The following ZNF648 variants were observed in gnomAD, a reference collection of about 807,000 sequenced individuals.
ZNF648 encodes zinc finger protein 648.
A neutral mutation model predicts 0.3 loss-of-function variants in ZNF648; 1 was observed. The ratio of observed to expected loss-of-function variants is 3.90; its 90% confidence interval spans 1.39 to 18.51. The LOEUF is 18.51. ZNF648 is among the 30% of genes most tolerant of loss of function. The pLI, the probability that ZNF648 is intolerant of heterozygous loss-of-function variation, is 0.11. For synonymous variants in ZNF648, 376 were observed against 326.8 expected (o/e 1.15, Z -1.62); for missense variants, 874 against 769.7 (o/e 1.14, Z -1.60).
chr1:182,068,362 G>T, the ZNF648 span: 1 of 152,162 alleles, frequency 6.6e-6, no homozygotes, highest in Non-Finnish European at 1.5e-5. Context: ...TCAGACTGCA[G>T]GACACAATCT....
Position 182,056,344 on chromosome 1 carries a change from G to A in ZNF648, c.1667C>T (p.Thr556Ile), listed in dbSNP as rs374478445. The A allele has an allele frequency of 1.4e-5, 23 of 1,613,920 alleles. No individual in the cohort carries two copies. Among genetic ancestry groups the A allele is most frequent in the African/African-American group, 2.7e-5 (2 of 75,040 alleles). Residue 556 changes from threonine (T) to isoleucine (I), a missense_variant, in exon 2 of 2, where the codon ACC becomes ATC. By Grantham distance (89) the Thr-to-Ile change is moderately conservative. Coordinates refer to ENST00000339948, the MANE Select transcript of ZNF648 (RefSeq NM_001009992.1). ...GGAAGGGATGGGCTCCTTCTTGCAG[G>A]TGCCGTGCTTGGCTCGGTGTCGTTG... ...HLQRHRAKHG[T>I]CKKEPIPSSS...
rs760736846 is a variant in ZNF648 at position 182,056,762 on chromosome 1, C to T, written c.1249G>A (p.Glu417Lys). The T allele has an allele frequency of 1.3e-6, 2 of 1,565,308 alleles. No individual in the cohort carries two copies. The highest frequency in any genetic ancestry group is 1.7e-6 in the Non-Finnish European group (2 of 1,155,226). Residue 417 changes from glutamate (E) to lysine (K), a missense_variant, in exon 2 of 2, where the codon GAG (glutamate) becomes AAG (lysine). Physicochemically the swap from Glu to Lys is moderately conservative, Grantham distance 56. Transcript: ENST00000339948. ...CAGGTGGGGCAGGGGAAGGGCCGCT[C>T]GCCCGAGTGCACGCGCTGGTGCTCC... is the stretch of plus-strand genomic sequence containing the variant. ...MVEHQRVHSGERPFPCPTCGK... is the reference protein window; with the variant it reads ...MVEHQRVHSGKRPFPCPTCGK...
In ZNF648 at chr1:182,057,705, A is replaced by G. The variant is rs140095619; in HGVS notation, c.306T>C (p.Ser102=). Residue 102 remains serine, a synonymous_variant, in exon 2 of 2, where the codon AGT becomes AGC. Coordinates refer to ENST00000339948, the MANE Select transcript of ZNF648 (RefSeq NM_001009992.1). ...QKPVEMSGKA[S]WSRDVTKINE... is the part of the protein sequence containing the mutation. Reference sequence around the variant, plus strand: ...TGATCTTTGTCACATCTCTGCTCCAACTGGCTTTCCCAGACATTTCCACTG... The same window carrying G: ...TGATCTTTGTCACATCTCTGCTCCAGCTGGCTTTCCCAGACATTTCCACTG... 8.1e-6 allele frequency: 13 copies of G among 1,614,020 alleles called. No homozygotes were observed. Among genetic ancestry groups the G allele is most frequent in the South Asian group, 1.1e-5 (1 of 91,084 alleles).
chr1:182,066,351 C>G (rs1317053269), upstream of ZNF648, among the ~76,000 whole-genome samples: 1 of 152,292 alleles, frequency 6.6e-6, no homozygotes, highest in South Asian at 2.1e-4. Flanking sequence ...CTATGTTCTT[C>G]CCCATGCTCT....
Position 182,057,963 on chromosome 1 carries a change from G to A in ZNF648, c.48C>T (p.Leu16=). ...SQDRWGEASP[L]SSLTEEAHDT... ...CATGAGCTTCCTCAGTCAAGCTGCT[G>A]AGAGGAGACGCCTCTCCCCACCTGT... is the stretch of plus-strand genomic sequence containing the variant. The change falls in exon 2 of 2, where the codon CTC becomes CTT. Residue 16 remains leucine, a synonymous_variant. Coordinates refer to ENST00000339948, the MANE Select transcript of ZNF648 (RefSeq NM_001009992.1). 1 of 1,613,572 alleles carries A rather than the reference G, an allele frequency of 6.2e-7. No homozygotes were observed. The highest frequency in any genetic ancestry group is 8.5e-7 in the Non-Finnish European group (1 of 1,179,766).
Position 182,057,076 on chromosome 1 carries a change from CAGA to C in ZNF648, c.932_934del (p.Phe311del). 1 of 1,612,826 alleles carries C rather than the reference CAGA, an allele frequency of 6.2e-7. No individual in the cohort carries two copies. The highest frequency in any genetic ancestry group is 8.5e-7 in the Non-Finnish European group (1 of 1,179,956). On this transcript the variant is annotated inframe_deletion, in exon 2 of 2. Transcript: ENST00000339948. Reference sequence around the variant, plus strand: ...GGAGGACCAGGTGTAGGCCTTGTCGCAGAAGGAGCACTGGTAGGGCCGCTCGCC... The same window carrying C: ...GGAGGACCAGGTGTAGGCCTTGTCGCAGGAGCACTGGTAGGGCCGCTCGCC...
At chr1:182,064,418 G>C (rs1235570761), upstream of ZNF648, 1 of 152,122 alleles carries the variant, frequency 6.6e-6, no homozygotes, top group Non-Finnish European at 1.5e-5. Context: ...CAACTCTTCT[G>C]AACAGCAGTT....
upstream of ZNF648, chr1:182,063,379 T>C (rs890747037): frequency 2.0e-5 from 3 of 152,366 alleles, no homozygotes; most frequent in South Asian, 6.2e-4. Flanking sequence ...TTTCTTGACT[T>C]TTTGATAATC....
chr1:182,066,842 A>G, the ZNF648 span, among the ~76,000 whole-genome samples: 1 of 152,296 alleles, frequency 6.6e-6, no homozygotes, highest in Non-Finnish European at 1.5e-5. Flanking sequence ...TCCTAGAGCT[A>G]TTGGGAGCTT....
rs1013055512 is a variant in ZNF648, at chr1:182,056,822, A to T, written c.1189T>A (p.Cys397Ser). 2.1e-5 allele frequency: 32 copies of T among 1,554,624 alleles called. No individual in the cohort carries two copies. The highest frequency in any genetic ancestry group is 2.8e-5 in the Non-Finnish European group (32 of 1,148,956). ...LGAKPFRCPA[C>S]DREFAVASRM... ...CTGGCCACAGCGAACTCCCGGTCGC[A>T]GGCGGGGCAGCGGAAGGGCTTGGCG... Residue 397 changes from cysteine (C) to serine (S), a missense_variant, in exon 2 of 2, where the codon TGC becomes AGC. By Grantham distance (112) the Cys-to-Ser change is moderately radical. Transcript: ENST00000339948.
At chr1:182,063,186 A>G (rs189750601), upstream of ZNF648, 18 of 152,342 alleles carry the variant, frequency 1.2e-4, no homozygotes, top group African/African-American at 4.1e-4. Flanking sequence ...TATCTTTATA[A>G]TAGAATTATT....
At chr1:182,068,577 C>G in the ZNF648 span, among the ~76,000 whole-genome samples, 1 of 152,180 alleles carries the variant, frequency 6.6e-6, no homozygotes, top group Non-Finnish European at 1.5e-5. Flanking sequence ...CTTGGTCAAA[C>G]ACAGTTGAAA....
In ZNF648 at chr1:182,057,659, C is replaced by T; in HGVS notation, c.352G>A (p.Gly118Arg). The T allele has an allele frequency of 6.2e-7, 1 of 1,614,222 alleles. No homozygotes were observed. Among genetic ancestry groups the T allele is most frequent in the Non-Finnish European group, 8.5e-7 (1 of 1,180,038 alleles). Residue 118 changes from glycine to arginine, a missense_variant, in exon 2 of 2, where the codon GGA becomes AGA. Coordinates refer to ENST00000339948, the MANE Select transcript of ZNF648 (RefSeq NM_001009992.1). Reference sequence around the variant, plus strand: ...AGGGAACCCAGAGCTCTGCTTGCTCCCGGGGAACCCTGGGTCTCGTTGATC... The same window carrying T: ...AGGGAACCCAGAGCTCTGCTTGCTCTCGGGGAACCCTGGGTCTCGTTGATC... Reference protein sequence around the residue: ...TKINETQGSPGASRALGSLPS... With the variant: ...TKINETQGSPRASRALGSLPS...
chr1:182,057,527 C>G lies in ZNF648; in HGVS notation c.484G>C (p.Asp162His). 6.2e-7 allele frequency: 1 copy of G among 1,614,212 alleles called. No individual in the cohort carries two copies. Among genetic ancestry groups the G allele is most frequent in the Non-Finnish European group, 8.5e-7 (1 of 1,180,044 alleles). The change falls in exon 2 of 2, where the codon GAT (aspartate) becomes CAT (histidine). Residue 162 changes from aspartate (D) to histidine (H), a missense_variant. Asp to His is a moderately conservative substitution (Grantham distance 81, BLOSUM62 -1). Transcript: ENST00000339948. ...YSGANQDAVL[D>H]VPPSFPSNGK... is the part of the protein sequence containing the mutation. The stretch of plus-strand genomic sequence containing the variant: ...TTGCTGGGGAAGCTGGGTGGGACAT[C>G]CAAGACTGCGTCCTGGTTTGCCCCC...
chr1:182,061,018 TCTC>T (rs1003953066), intron 1 of ZNF648, among the ~76,000 whole-genome samples: 3 of 151,882 alleles, frequency 2.0e-5, no homozygotes, highest in Admixed American at 1.3e-4. Context: ...AGCTAACCAA[TCTC>T]CTCTCCAGAG....
At chr1:182,061,249 G>A (rs1443415851) in intron 1 of ZNF648, among the ~76,000 whole-genome samples, 1 of 152,206 alleles carries the variant, frequency 6.6e-6, no homozygotes, top group Non-Finnish European at 1.5e-5. Flanking sequence ...GCCATGGTAT[G>A]GCGGGCCTCT....
the ZNF648 span, among the ~76,000 whole-genome samples, chr1:182,068,055 T>C: frequency 6.6e-6 from 1 of 152,196 alleles, no homozygotes; most frequent in Non-Finnish European, 1.5e-5. Flanking sequence ...CTGGGGAGGT[T>C]AGAAGGGAAG....
Position 182,056,819 on chromosome 1 carries a change from C to T in ZNF648, c.1192G>A (p.Asp398Asn), listed in dbSNP as rs1385072635. Residue 398 changes from aspartate (D) to asparagine (N), a missense_variant, in exon 2 of 2, where the codon GAC (aspartate) becomes AAC (asparagine). Asp to Asn is a conservative substitution (Grantham distance 23). Coordinates refer to ENST00000339948, the MANE Select transcript of ZNF648 (RefSeq NM_001009992.1). ...CGGCTGGCCACAGCGAACTCCCGGTCGCAGGCGGGGCAGCGGAAGGGCTTG... is the reference window on the plus strand; with the variant it reads ...CGGCTGGCCACAGCGAACTCCCGGTTGCAGGCGGGGCAGCGGAAGGGCTTG... Reference protein sequence around the residue: ...GAKPFRCPACDREFAVASRMV... With the variant: ...GAKPFRCPACNREFAVASRMV... The T allele has an allele frequency of 1.3e-6, 2 of 1,554,588 alleles. No individual in the cohort carries two copies. Among genetic ancestry groups the T allele is most frequent in the Admixed American group, 3.9e-5 (2 of 51,124 alleles).
In ZNF648 at chr1:182,056,083, A is replaced by G. The variant is rs1335429547; in HGVS notation, c.*221T>C. 3.4e-6 allele frequency: 2 copies of G among 583,678 alleles called. No homozygotes were observed. Among genetic ancestry groups the G allele is most frequent in the South Asian group, 2.4e-5 (1 of 41,594 alleles). 36.2% of individuals were successfully genotyped at this position (583,678 alleles called of 1,614,324 possible). ...CACTACTTTGTCTTTCCCTTTTCCAATTGCTTATGACCTCGGACACTCAGA... is the reference window on the plus strand; with the variant it reads ...CACTACTTTGTCTTTCCCTTTTCCAGTTGCTTATGACCTCGGACACTCAGA... On this transcript the variant is annotated 3_prime_UTR_variant, in exon 2 of 2. Coordinates refer to ENST00000339948, the MANE Select transcript of ZNF648 (RefSeq NM_001009992.1).
Sources: gnomAD v4.1 joint callset for allele counts (sites outside exome capture counted in the v4.1 genomes callset) on GRCh38, gnomAD v4.1.1 for gene constraint, MANE v1.5 for transcripts, NCBI Gene and HGNC (gene_info 2026-07-23, HGNC 2026-07-21) for gene names.